The following SORCS1 variants were observed in gnomAD, a reference collection of about 807,000 sequenced individuals.
SORCS1 encodes the protein VPS10 domain-containing receptor SorCS1.
A neutral mutation model predicts 146.1 loss-of-function variants in SORCS1; 60 were observed. The observed-to-expected ratio is 0.41, with a 90% CI of 0.33 to 0.51. The LOEUF (loss-of-function observed/expected upper bound fraction) is 0.51. Among genes scored for constraint, SORCS1 ranks in the 20% least tolerant of loss-of-function variants. The pLI, the probability that SORCS1 is intolerant of heterozygous loss-of-function variation, is 0.21. For synonymous variants in SORCS1, 637 were observed against 584.0 expected, an observed-to-expected ratio of 1.09 and a Z score of -1.31; for missense variants, 1,352 against 1,487.6, an observed-to-expected ratio of 0.91 and a Z score of 1.50.
intron 17 of SORCS1, among the ~76,000 whole-genome samples, chr10:106,662,437 T>C (rs548921891): frequency 5.3e-5 from 8 of 152,278 alleles, no homozygotes; most frequent in Admixed American, 2.6e-4. Flanking sequence ...TGCATGTCTG[T>C]ATCATGAGCT....
intron 1 of SORCS1, among the ~76,000 whole-genome samples, chr10:107,087,260 T>C (rs1436903260): frequency 6.6e-6 from 1 of 152,128 alleles, no homozygotes; most frequent in Non-Finnish European, 1.5e-5. Flanking sequence ...TGGAGCCTTA[T>C]CAGAGGGGTC....
At chr10:107,074,926 CTG>C (rs1962754912) in intron 1 of SORCS1, among the ~76,000 whole-genome samples, 1 of 151,928 alleles carries the variant, frequency 6.6e-6, no homozygotes, top group African/African-American at 2.4e-5. Context: ...AGTATATTCT[CTG>C]ACTGTTTTCA....
chr10:106,980,107 A>T, intron 1 of SORCS1, among the ~76,000 whole-genome samples: 1 of 152,248 alleles, frequency 6.6e-6, no homozygotes, highest in East Asian at 1.9e-4. Flanking sequence ...ATTCCACCAC[A>T]AATACATTGA....
At chr10:106,717,551 A>G (rs1464358991) in intron 6 of SORCS1, among the ~76,000 whole-genome samples, 1 of 152,222 alleles carries the variant, frequency 6.6e-6, no homozygotes, top group Non-Finnish European at 1.5e-5. Flanking sequence ...AGTGTAATTG[A>G]CTAAATATTG....
At chr10:106,936,014 G>C (rs990259917) in intron 2 of SORCS1, among the ~76,000 whole-genome samples, 1 of 152,134 alleles carries the variant, frequency 6.6e-6, no homozygotes, top group Non-Finnish European at 1.5e-5. Context: ...CATCTGATTG[G>C]AGCATATCTG....
intron 21 of SORCS1, among the ~76,000 whole-genome samples, chr10:106,612,524 C>G (rs1847076431): frequency 6.6e-6 from 1 of 151,638 alleles, no homozygotes; most frequent in Non-Finnish European, 1.5e-5. Context: ...AAAAACTGGC[C>G]CTCTCACCCT....
At chr10:106,662,333 T>TA (rs998119366) in intron 17 of SORCS1, among the ~76,000 whole-genome samples, 6 of 151,830 alleles carry the variant, frequency 4.0e-5, no homozygotes, top group African/African-American at 1.5e-4. Flanking sequence ...TTTTTTTTTT[T>TA]AAAGGAATGA....
intron 2 of SORCS1, among the ~76,000 whole-genome samples, chr10:106,898,347 T>C (rs1281136768): frequency 2.0e-5 from 3 of 152,282 alleles, no homozygotes; most frequent in East Asian, 3.9e-4. Context: ...CCCACCTAAT[T>C]AGATGTCTGA....
At chr10:106,904,341 G>A (rs547606008) in intron 2 of SORCS1, among the ~76,000 whole-genome samples, 6 of 152,242 alleles carry the variant, frequency 3.9e-5, no homozygotes, top group African/African-American at 1.4e-4. Flanking sequence ...AGACACATAA[G>A]GGCCTTCTGG....
intron 5 of SORCS1, among the ~76,000 whole-genome samples, chr10:106,754,604 G>A (rs887647345): frequency 3.9e-5 from 6 of 152,154 alleles, no homozygotes; most frequent in Admixed American, 6.5e-5. Context: ...CTCAACAAAT[G>A]GGACTTGTTG....
intron 1 of SORCS1, among the ~76,000 whole-genome samples, chr10:107,122,390 C>G (rs1473697644): frequency 6.6e-6 from 1 of 152,148 alleles, no homozygotes; most frequent in East Asian, 1.9e-4. Flanking sequence ...GAGTTCCACT[C>G]CAATGTCAGG....
At chr10:107,155,137 C>T (rs1242727851) in intron 1 of SORCS1, among the ~76,000 whole-genome samples, 1 of 152,212 alleles carries the variant, frequency 6.6e-6, no homozygotes, top group Non-Finnish European at 1.5e-5. Flanking sequence ...CTACACTGTA[C>T]TGTCCTGTGT....
At chr10:106,822,341 T>C (rs1405926627) in intron 3 of SORCS1, among the ~76,000 whole-genome samples, 1 of 152,150 alleles carries the variant, frequency 6.6e-6, no homozygotes, top group Non-Finnish European at 1.5e-5. Context: ...ATCAGTGTTG[T>C]TTTTCTCTAT....
chr10:106,664,369 G>A (rs1441375585), intron 17 of SORCS1, among the ~76,000 whole-genome samples: 5 of 152,246 alleles, frequency 3.3e-5, no homozygotes, highest in South Asian at 2.1e-4. Flanking sequence ...TGGGCCAGGC[G>A]CGGTGGCTCA....
chr10:107,015,930 T>C (rs1007643710), intron 1 of SORCS1, among the ~76,000 whole-genome samples: 3 of 152,224 alleles, frequency 2.0e-5, no homozygotes, highest in African/African-American at 7.2e-5. Flanking sequence ...TTTATCACTA[T>C]ACATTTCACC....
rs57891596 is a variant in SORCS1 at position 106,647,007 on chromosome 10, G to GTATA, written c.2475+5371_2475+5374dup. ...TGTATATATATGTGTGTTTGTATGT[G>GTATA]TATATATATATATATATATATATAT... On this transcript the variant is annotated intron_variant, in intron 18 of 25. Coordinates refer to ENST00000263054, the MANE Select transcript of SORCS1 (RefSeq NM_052918.5). Among the ~76,000 whole-genome samples, 245 of 134,190 alleles carry GTATA rather than the reference G, an allele frequency of 1.8e-3. 1 individual carries two copies. Among genetic ancestry groups the GTATA allele is most frequent in the African/African-American group, 6.5e-3 (238 of 36,648 alleles). 88.0% of individuals were successfully genotyped at this position (134,190 alleles called of 152,430 possible). A position where few individuals can be genotyped will look rare whatever the true frequency, so the allele number is the denominator to read the frequency against.
At chr10:106,636,897 CA>C (rs1180938602) in intron 18 of SORCS1, among the ~76,000 whole-genome samples, 3 of 152,206 alleles carry the variant, frequency 2.0e-5, no homozygotes, top group Non-Finnish European at 4.4e-5. Context: ...TGCTCATTCC[CA>C]GATGGGTGCT....
chr10:107,150,993 A>C (rs1027940364), intron 1 of SORCS1, among the ~76,000 whole-genome samples: 3 of 152,166 alleles, frequency 2.0e-5, no homozygotes, highest in African/African-American at 7.2e-5. Flanking sequence ...ATTAGTACTG[A>C]GTAGTGGGGC....
At chr10:106,905,154 T>C (rs79758038) in intron 2 of SORCS1, among the ~76,000 whole-genome samples, 12,204 of 152,066 alleles carry the variant, frequency 0.08, 1,088 homozygotes, top group African/African-American at 0.21. Context: ...AAAAGGTTGA[T>C]TTAGAGAAGG....
Sources: allele counts gnomAD v4.1 joint callset (sites outside exome capture counted in the v4.1 genomes callset), GRCh38; gene constraint gnomAD v4.1.1; transcripts MANE v1.5; gene names NCBI Gene and HGNC (gene_info 2026-07-23, HGNC 2026-07-21).